Variants in POPDC1 observed in about 807,000 individuals in gnomAD.
POPDC1 encodes the protein popeye domain-containing protein 1.
chr6:105,127,283 C>A, the POPDC1 span, among the ~76,000 whole-genome samples: 1 of 152,134 alleles, frequency 6.6e-6, no homozygotes, highest in South Asian at 2.1e-4. Context: ...CTATTTGGTG[C>A]TATGATCATA....
At chr6:105,129,338 G>T in the POPDC1 span, 1 of 1,508,960 alleles carries the variant, frequency 6.6e-7, no homozygotes, top group Non-Finnish European at 9.0e-7. Context: ...CAAAGTTTTA[G>T]CTTTAAAATC....
At chr6:105,133,693 C>T in the POPDC1 span, 1 of 755,156 alleles carries the variant, frequency 1.3e-6, no homozygotes, top group Non-Finnish European at 2.1e-6. Flanking sequence ...AAATAGACTT[C>T]TCTAGTGCTT....
chr6:105,126,248 T>TA, the POPDC1 span, among the ~76,000 whole-genome samples: 1 of 133,890 alleles, frequency 7.5e-6, no homozygotes, highest in Non-Finnish European at 1.6e-5. Context: ...AAAATAAAAA[T>TA]AAAAAAAAGA....
chr6:105,100,675 T>TA, the POPDC1 span: 1 of 152,716 alleles, frequency 6.5e-6, no homozygotes, highest in Admixed American at 6.5e-5. Context: ...ATTTTAAACT[T>TA]ACATTGTTTG....
At chr6:105,118,960 G>A in the POPDC1 span, among the ~76,000 whole-genome samples, 3 of 152,022 alleles carry the variant, frequency 2.0e-5, no homozygotes, top group Admixed American at 6.6e-5. Flanking sequence ...AAGATGGGCC[G>A]ATCACTTCAG....
At chr6:105,103,564 T>A in the POPDC1 span, among the ~76,000 whole-genome samples, 1 of 152,188 alleles carries the variant, frequency 6.6e-6, no homozygotes, top group East Asian at 1.9e-4. Flanking sequence ...GTATCTACAA[T>A]GAGACAAAAC....
chr6:105,102,883 C>T, the POPDC1 span, among the ~76,000 whole-genome samples: 3 of 152,148 alleles, frequency 2.0e-5, no homozygotes, highest in South Asian at 2.1e-4. Context: ...TGTATATATA[C>T]GGAAATTGTT....
At chr6:105,101,100 G>A in the POPDC1 span, 1 of 1,611,370 alleles carries the variant, frequency 6.2e-7, no homozygotes, top group Non-Finnish European at 8.5e-7. Flanking sequence ...CAAGGCAGCT[G>A]ATGGACTTTC....
chr6:105,115,650 G>T, the POPDC1 span: 1 of 1,611,336 alleles, frequency 6.2e-7, no homozygotes, highest in Non-Finnish European at 8.5e-7. Context: ...ATACCCATCA[G>T]AACTCTGGAG....
At chr6:105,106,268 A>C in the POPDC1 span, among the ~76,000 whole-genome samples, 2 of 152,200 alleles carry the variant, frequency 1.3e-5, no homozygotes, top group African/African-American at 4.8e-5. Context: ...CAAGTGGCAA[A>C]AAAGTCCTCT....
chr6:105,124,751 T>A, the POPDC1 span: 1 of 908,142 alleles, frequency 1.1e-6, no homozygotes, highest in Non-Finnish European at 1.7e-6. Context: ...TATTTTGTAG[T>A]ACAGTTTTAA....
chr6:105,116,915 T>C, the POPDC1 span: 9 of 1,552,240 alleles, frequency 5.8e-6, no homozygotes, highest in Non-Finnish European at 7.9e-6. Flanking sequence ...TCTATGTATA[T>C]GAATTATGAC....
chr6:105,098,265 A>T, the POPDC1 span: 7 of 152,208 alleles, frequency 4.6e-5, no homozygotes, highest in Non-Finnish European at 8.8e-5. Context: ...CTTACACTTA[A>T]AACACTTTTC....
chr6:105,122,417 A>C, the POPDC1 span, among the ~76,000 whole-genome samples: 1 of 152,238 alleles, frequency 6.6e-6, no homozygotes, highest in African/African-American at 2.4e-5. Flanking sequence ...CTAGTCCCCA[A>C]GAAGAAAGAG....
chr6:105,135,142 T>G, the POPDC1 span, among the ~76,000 whole-genome samples: 2 of 152,256 alleles, frequency 1.3e-5, no homozygotes, highest in African/African-American at 2.4e-5. Context: ...TTGTCCTGTT[T>G]GTCCTCTAGG....
At chr6:105,102,549 A>G in the POPDC1 span, among the ~76,000 whole-genome samples, 1 of 152,210 alleles carries the variant, frequency 6.6e-6, no homozygotes, top group Non-Finnish European at 1.5e-5. Flanking sequence ...TCAAGACCAG[A>G]GGCTCAGCAA....
the POPDC1 span, among the ~76,000 whole-genome samples, chr6:105,102,877 T>C: frequency 3.9e-5 from 6 of 152,216 alleles, no homozygotes; most frequent in African/African-American, 1.4e-4. Flanking sequence ...ACTCGCTGTA[T>C]ATATACGGAA....
chr6:105,133,633 T>C, the POPDC1 span: 8 of 1,386,530 alleles, frequency 5.8e-6, no homozygotes, highest in South Asian at 7.9e-5. Flanking sequence ...AAATGGCAAT[T>C]GTATCTTTTT....
At chr6:105,128,349 T>G in the POPDC1 span, among the ~76,000 whole-genome samples, 1 of 152,222 alleles carries the variant, frequency 6.6e-6, no homozygotes, top group Non-Finnish European at 1.5e-5. Flanking sequence ...TGGGTGTTTC[T>G]CTTTTGCTCT....
Sources: gnomAD v4.1 joint callset for allele counts (sites outside exome capture counted in the v4.1 genomes callset) on GRCh38, gnomAD v4.1.1 for gene constraint, MANE v1.5 for transcripts, NCBI Gene and HGNC (gene_info 2026-07-23, HGNC 2026-07-21) for gene names.